TACR3: variants seen among roughly 807,000 people sequenced by gnomAD.
TACR3 encodes the protein tachykinin receptor 3.
TACR3 carries 34 observed loss-of-function variants against 35.0 expected under a neutral mutation model. The observed-to-expected ratio is 0.97, with a 90% CI of 0.74 to 1.30. TACR3 has a LOEUF of 1.30. TACR3 is among the 50% of genes most tolerant of loss of function. The pLI is 0.00. For missense variants in TACR3, 558 were observed against 591.7 expected, an observed-to-expected ratio of 0.94 and a Z score of 0.59; for synonymous variants, 233 against 221.1, an observed-to-expected ratio of 1.05 and a Z score of -0.48.
At chr4:103,593,844 G>GT (rs773617137) in intron 3 of TACR3, among the ~76,000 whole-genome samples, 8 of 152,042 alleles carry the variant, frequency 5.3e-5, no homozygotes, top group Non-Finnish European at 5.9e-5. Flanking sequence ...AGTTTGTTAT[G>GT]TTTTTTCTTT....
At chr4:103,658,765 T>G (rs1465880267) in intron 1 of TACR3, among the ~76,000 whole-genome samples, 1 of 152,090 alleles carries the variant, frequency 6.6e-6, no homozygotes, top group African/African-American at 2.4e-5. Flanking sequence ...GGAAGATAAT[T>G]TTTTTCCATG....
chr4:103,598,407 T>C (rs914150897), intron 3 of TACR3, among the ~76,000 whole-genome samples: 3 of 152,230 alleles, frequency 2.0e-5, no homozygotes, highest in African/African-American at 7.2e-5. Flanking sequence ...GTAGGTTGCC[T>C]GTTCACTCTG....
At chr4:103,611,362 T>G (rs908531657) in intron 3 of TACR3, among the ~76,000 whole-genome samples, 7 of 152,184 alleles carry the variant, frequency 4.6e-5, no homozygotes, top group Admixed American at 3.9e-4. Flanking sequence ...TTAGTCCTAG[T>G]TACTTTATTT....
intron 1 of TACR3, among the ~76,000 whole-genome samples, chr4:103,683,897 C>T (rs1041169141): frequency 1.3e-5 from 2 of 151,830 alleles, no homozygotes; most frequent in South Asian, 2.1e-4. Flanking sequence ...GACAGAAATA[C>T]ATCATCCAAA....
chr4:103,620,643 G>T (rs1048587650), intron 3 of TACR3, among the ~76,000 whole-genome samples: 4 of 151,804 alleles, frequency 2.6e-5, no homozygotes, highest in Non-Finnish European at 5.9e-5. Context: ...ACTAATGCAG[G>T]AATAGAAAAC....
chr4:103,636,160 A>G (rs1438776110), intron 3 of TACR3, among the ~76,000 whole-genome samples: 1 of 151,420 alleles, frequency 6.6e-6, no homozygotes, highest in Non-Finnish European at 1.5e-5. Flanking sequence ...AGGTTAATTA[A>G]CTAAGGAGAA....
chr4:103,595,828 C>T (rs1441824199), intron 3 of TACR3, among the ~76,000 whole-genome samples: 2 of 150,724 alleles, frequency 1.3e-5, no homozygotes, highest in Non-Finnish European at 3.0e-5. Context: ...TATACATGTG[C>T]CATGCTGGTG....
intron 3 of TACR3, among the ~76,000 whole-genome samples, chr4:103,651,527 C>A (rs1014812062): frequency 6.6e-6 from 1 of 151,514 alleles, no homozygotes; most frequent in African/African-American, 2.4e-5. Context: ...AAAATGTTGT[C>A]CAAGTGTCAA....
In TACR3 at chr4:103,617,701, T is replaced by C. The variant is rs186888931; in HGVS notation, c.889-26018A>G. 2.6e-4 allele frequency among the ~76,000 whole-genome samples: 40 copies of C among 152,326 alleles called. 1 individual carries two copies. Among genetic ancestry groups the C allele is most frequent in the Admixed American group, 1.8e-3 (28 of 15,302 alleles). ...GTTTAATGTTTATTTGAGTCATAAA[T>C]ATTAGAAGATCATAATTCATTTGAG... On this transcript the variant is annotated intron_variant, in intron 3 of 4. Transcript: ENST00000304883.
At chr4:103,665,148 T>A (rs1725910122) in intron 1 of TACR3, among the ~76,000 whole-genome samples, 1 of 152,010 alleles carries the variant, frequency 6.6e-6, no homozygotes, top group Admixed American at 6.6e-5. Context: ...AATAAATGAA[T>A]CATTTAGATG....
At chr4:103,648,935 C>G (rs148935981) in intron 3 of TACR3, among the ~76,000 whole-genome samples, 662 of 152,218 alleles carry the variant, frequency 4.3e-3, no homozygotes, top group Middle Eastern at 0.017. Flanking sequence ...TCCTCCACAT[C>G]CTTGCCAGGA....
intron 3 of TACR3, 121 bp downstream of exon 3, chr4:103,656,069 CAAAG>C (rs1725727833): frequency 8.1e-7 from 1 of 1,239,820 alleles, no homozygotes; most frequent in African/African-American, 1.5e-5. Flanking sequence ...AAAATTAAAA[CAAAG>C]ACATTAAAAA....
chr4:103,686,712 A>G (rs978941071), intron 1 of TACR3, among the ~76,000 whole-genome samples: 3 of 152,164 alleles, frequency 2.0e-5, no homozygotes, highest in South Asian at 2.1e-4. Flanking sequence ...TAGAAGTTGG[A>G]CTTAGCAGAG....
intron 3 of TACR3, among the ~76,000 whole-genome samples, chr4:103,609,099 A>G (rs1346345477): frequency 6.6e-6 from 1 of 152,138 alleles, no homozygotes; most frequent in Non-Finnish European, 1.5e-5. Context: ...GTGGCCAAAA[A>G]TATGAAGTGT....
intron 1 of TACR3, among the ~76,000 whole-genome samples, chr4:103,712,844 C>T (rs1180003820): frequency 1.3e-5 from 2 of 152,158 alleles, no homozygotes; most frequent in Non-Finnish European, 2.9e-5. Flanking sequence ...CAAAAGAAGA[C>T]ATTTATGCAG....
At chr4:103,688,243 C>T (rs1029624990) in intron 1 of TACR3, among the ~76,000 whole-genome samples, 3 of 152,020 alleles carry the variant, frequency 2.0e-5, no homozygotes, top group African/African-American at 7.3e-5. Context: ...ATACAACAAT[C>T]AATTCAAGAT....
At chr4:103,712,392 A>C (rs923277314) in intron 1 of TACR3, among the ~76,000 whole-genome samples, 18 of 152,328 alleles carry the variant, frequency 1.2e-4, no homozygotes, top group African/African-American at 3.8e-4. Flanking sequence ...CCTATTTAAT[A>C]AATGGTTCTG....
At chr4:103,600,577 G>C (rs1724171177) in intron 3 of TACR3, among the ~76,000 whole-genome samples, 1 of 152,070 alleles carries the variant, frequency 6.6e-6, no homozygotes, top group Admixed American at 6.6e-5. Context: ...GATCTTTCTT[G>C]CTTTCTCTTG....
intron 2 of TACR3, among the ~76,000 whole-genome samples, chr4:103,657,595 AT>A (rs1455632675): frequency 6.6e-6 from 1 of 152,060 alleles, no homozygotes; most frequent in Non-Finnish European, 1.5e-5. Context: ...TTAAAATAAA[AT>A]TTAAGATTAT....
Sources: gnomAD v4.1 joint callset for allele counts (sites outside exome capture counted in the v4.1 genomes callset) on GRCh38, gnomAD v4.1.1 for gene constraint, MANE v1.5 for transcripts, NCBI Gene and HGNC (gene_info 2026-07-23, HGNC 2026-07-21) for gene names.